The following RBPJ variants were observed in gnomAD, a reference collection of about 807,000 sequenced individuals.
RBPJ encodes the protein recombination signal binding protein for immunoglobulin kappa J region.
RBPJ carries 9 observed loss-of-function variants against 67.8 expected under a neutral mutation model. That is an observed-to-expected ratio of 0.13 (90% confidence interval 0.08 to 0.23). The LOEUF is 0.23. Among genes scored for constraint, RBPJ ranks in the 10% least tolerant of loss-of-function variants. The pLI is 1.00. For missense variants in RBPJ, 305 were observed against 595.6 expected, an observed-to-expected ratio of 0.51 and a Z score of 5.08; for synonymous variants, 198 against 203.3, an observed-to-expected ratio of 0.97 and a Z score of 0.22.
At chr4:26,148,283 A>C in the RBPJ span, among the ~76,000 whole-genome samples, 1 of 152,252 alleles carries the variant, frequency 6.6e-6, no homozygotes, top group East Asian at 1.9e-4. Context: ...TCCAGTGAGC[A>C]TTCAAAGTTC....
chr4:26,257,337 A>G (rs2109245748), intron 1 of RBPJ, among the ~76,000 whole-genome samples: 1 of 152,356 alleles, frequency 6.6e-6, no homozygotes, highest in Non-Finnish European at 1.5e-5. Context: ...ACAGTCATAA[A>G]CAGGTGGAGT....
At chr4:26,141,460 C>A in the RBPJ span, among the ~76,000 whole-genome samples, 10,517 of 152,294 alleles carry the variant, frequency 0.069, 724 homozygotes, top group South Asian at 0.18. Flanking sequence ...AGGCCCGGAA[C>A]GCCCAGGAAC....
the RBPJ span, among the ~76,000 whole-genome samples, chr4:26,118,398 C>T: frequency 2.0e-5 from 3 of 152,180 alleles, no homozygotes; most frequent in Admixed American, 1.3e-4. Context: ...TCAGTCCATC[C>T]GTGGTTTGGT....
the RBPJ span, among the ~76,000 whole-genome samples, chr4:26,140,476 C>T: frequency 6.6e-6 from 1 of 152,180 alleles, no homozygotes; most frequent in Non-Finnish European, 1.5e-5. Flanking sequence ...GGCTCTCCTC[C>T]CTGCGTTGAT....
intron 1 of RBPJ, among the ~76,000 whole-genome samples, chr4:26,194,190 G>T (rs991587695): frequency 3.9e-5 from 6 of 152,208 alleles, no homozygotes; most frequent in African/African-American, 1.4e-4. Flanking sequence ...TTCTTGGCTG[G>T]ATACTGGCCT....
intron 2 of RBPJ, among the ~76,000 whole-genome samples, chr4:26,401,846 G>A (rs1333599871): frequency 6.6e-6 from 1 of 151,346 alleles, no homozygotes; most frequent in African/African-American, 2.4e-5. Context: ...CAGGATATTG[G>A]CCTTCTCTTG....
At chr4:26,244,351 A>C (rs12510159) in intron 1 of RBPJ, among the ~76,000 whole-genome samples, 1 of 3,614 alleles carries the variant, frequency 2.8e-4, no homozygotes, top group Non-Finnish European at 5.5e-4. Context: ...ATATGTGTGT[A>C]TATATATGTA....
At chr4:26,206,692 G>C (rs1240482216) in intron 1 of RBPJ, among the ~76,000 whole-genome samples, 1 of 145,356 alleles carries the variant, frequency 6.9e-6, no homozygotes, top group African/African-American at 2.6e-5. Context: ...TTTGGTTAAA[G>C]TTCAAAGTTA....
At chr4:26,337,006 C>T (rs28584998) in intron 1 of RBPJ, among the ~76,000 whole-genome samples, 6,115 of 152,204 alleles carry the variant, frequency 0.04, 332 homozygotes, top group African/African-American at 0.13. Flanking sequence ...GACTGAGTGT[C>T]GCTCTGTCGC....
intron 1 of RBPJ, among the ~76,000 whole-genome samples, chr4:26,291,269 A>G (rs1411435040): frequency 6.6e-6 from 1 of 151,040 alleles, no homozygotes; most frequent in African/African-American, 2.4e-5. Flanking sequence ...AGGTCTATTC[A>G]CAACAGGATA....
chr4:26,415,507 T>A lies in RBPJ; in HGVS notation c.188T>A (p.Met63Lys). ...FFCPPPCVYL[M>K]GSGWKKKKEQ... ...TGCCCACCTCCTTGTGTATATCTTA[T>A]GGGCAGTGGATGGAAGAAAAAAAAA... is the stretch of plus-strand genomic sequence containing the variant. The change falls in exon 4 of 11, where the codon ATG becomes AAG. Residue 63 changes from methionine to lysine, a missense_variant. By Grantham distance (95) the Met-to-Lys change is moderately conservative. Transcript: ENST00000355476. 1 of 1,612,148 alleles carries A rather than the reference T, an allele frequency of 6.2e-7. No homozygotes were observed. Among genetic ancestry groups the A allele is most frequent in the Non-Finnish European group, 8.5e-7 (1 of 1,179,216 alleles).
At chr4:26,244,324 T>C (rs1719813316) in intron 1 of RBPJ, among the ~76,000 whole-genome samples, 2 of 148,580 alleles carry the variant, frequency 1.3e-5, no homozygotes, top group African/African-American at 2.5e-5. Flanking sequence ...TGTATATGTA[T>C]ACACATATGT....
At chr4:26,260,290 G>A (rs1254083810) in intron 1 of RBPJ, among the ~76,000 whole-genome samples, 1 of 152,124 alleles carries the variant, frequency 6.6e-6, no homozygotes, top group Non-Finnish European at 1.5e-5. Context: ...CCCTAATCAG[G>A]ACAAAAGTTC....
chr4:26,380,425 C>A (rs772697766), intron 1 of RBPJ, among the ~76,000 whole-genome samples: 5 of 152,016 alleles, frequency 3.3e-5, no homozygotes, highest in Admixed American at 6.6e-5. Context: ...GGTGAATGAA[C>A]AAATCTGGAC....
intron 2 of RBPJ, among the ~76,000 whole-genome samples, chr4:26,388,604 ACTCTCTCT>A (rs60945391): frequency 4.7e-5 from 7 of 150,288 alleles, no homozygotes; most frequent in East Asian, 4.0e-4. Flanking sequence ...TTACACACAC[ACTCTCTCT>A]CTCTCTCTCT....
intron 1 of RBPJ, among the ~76,000 whole-genome samples, chr4:26,290,825 G>A (rs1721642869): frequency 6.6e-6 from 1 of 150,596 alleles, no homozygotes; most frequent in Admixed American, 6.6e-5. Context: ...ACTTATAAAG[G>A]TTTCTATTAA....
chr4:26,274,174 G>A (rs1334492545), intron 1 of RBPJ, among the ~76,000 whole-genome samples: 1 of 152,048 alleles, frequency 6.6e-6, no homozygotes, highest in Non-Finnish European at 1.5e-5. Flanking sequence ...CCTATCTTCT[G>A]CCATCTGCCC....
chr4:26,318,657 T>G (rs1722746205), upstream of RBPJ, among the ~76,000 whole-genome samples: 1 of 152,114 alleles, frequency 6.6e-6, no homozygotes, highest in African/African-American at 2.4e-5. Context: ...ATTTATTTAT[T>G]TATTTTTCTA....
intron 1 of RBPJ, among the ~76,000 whole-genome samples, chr4:26,335,617 C>CTTTTTTTT (rs34386877): frequency 9.3e-6 from 1 of 107,838 alleles, no homozygotes; most frequent in Non-Finnish European, 1.9e-5. Flanking sequence ...ATGCTTACTT[C>CTTTTTTTT]TTTTTTTTTT....
Sources: gnomAD v4.1 joint callset for allele counts (sites outside exome capture counted in the v4.1 genomes callset) on GRCh38, gnomAD v4.1.1 for gene constraint, MANE v1.5 for transcripts, NCBI Gene and HGNC (gene_info 2026-07-23, HGNC 2026-07-21) for gene names.